ARID1B: variants seen among roughly 807,000 people sequenced by gnomAD.
ARID1B encodes AT-rich interaction domain 1B.
A neutral mutation model predicts 212.3 loss-of-function variants in ARID1B; 30 were observed. The ratio of observed to expected loss-of-function variants is 0.14; its 90% CI spans 0.11 to 0.19. ARID1B has a LOEUF of 0.19. Ranked by LOEUF, ARID1B falls within the 10% of genes least tolerant of loss-of-function variation. The pLI is 1.00. For synonymous variants in ARID1B, 1,402 were observed against 1,301.7 expected, an observed-to-expected ratio of 1.08 and a Z score of -1.66; for missense variants, 2,891 against 3,204.0, an observed-to-expected ratio of 0.90 and a Z score of 2.36.
At chr6:156,876,400 G>A (rs1786550780) in intron 2 of ARID1B, among the ~76,000 whole-genome samples, 1 of 152,060 alleles carries the variant, frequency 6.6e-6, no homozygotes, top group African/African-American at 2.4e-5. Context: ...CAGCTGTCTC[G>A]TCCTGGTTCC....
chr6:157,039,456 G>A lies in ARID1B; in HGVS notation c.2248-45206G>A, dbSNP rs936969078. On this transcript the variant is annotated intron_variant, in intron 4 of 19. Coordinates refer to ENST00000636930, the MANE Select transcript of ARID1B (RefSeq NM_001374828.1). ...CGCCATTCTCCTGCCTCAGCCTCCC[G>A]AGTAGCTGGGACTACAGGCGCCCGC... Among the ~76,000 whole-genome samples, 13 of 150,178 alleles carry A rather than the reference G, an allele frequency of 8.7e-5. No individual in the cohort carries two copies. In the East Asian group the frequency reaches 1.6e-3, roughly 18 times the overall value.
intron 1 of ARID1B, among the ~76,000 whole-genome samples, chr6:156,805,543 A>G (rs927654167): frequency 6.6e-6 from 1 of 152,174 alleles, no homozygotes; most frequent in African/African-American, 2.4e-5. Context: ...TGGTTTGCCT[A>G]TAGGAGTATG....
intron 5 of ARID1B, among the ~76,000 whole-genome samples, chr6:157,089,821 T>A (rs73017159): frequency 3.3e-5 from 5 of 152,194 alleles, no homozygotes; most frequent in African/African-American, 4.8e-5. Context: ...CAGGTACAGT[T>A]AATTCTGAAA....
chr6:156,940,600 G>T (rs192111310), intron 4 of ARID1B: 9 of 152,204 alleles, frequency 5.9e-5, no homozygotes, highest in Non-Finnish European at 1.2e-4. Context: ...GCTATTAGCC[G>T]CAGAGCATGC....
chr6:157,142,966 AG>A (rs1413547622), intron 7 of ARID1B, among the ~76,000 whole-genome samples: 2 of 152,218 alleles, frequency 1.3e-5, no homozygotes, highest in Admixed American at 6.5e-5. Flanking sequence ...AAAAGCAGTA[AG>A]CTCTGAGTAT....
At chr6:156,892,173 AGCCACCACACCCGGCCTCAT>A (rs1185604234) in intron 2 of ARID1B, among the ~76,000 whole-genome samples, 6 of 151,156 alleles carry the variant, frequency 4.0e-5, no homozygotes, top group Admixed American at 4.0e-4. Flanking sequence ...GACAGGCGTG[AGCCACCACACCCGGCCTCAT>A]ACTTTTTCTT....
rs1276255111 is a variant in ARID1B at position 156,901,366 on chromosome 6, T to G, written c.1987-10T>G. 15 of 1,614,160 alleles carry G rather than the reference T, an allele frequency of 9.3e-6. No individual in the cohort carries two copies. Among genetic ancestry groups the G allele is most frequent in the Non-Finnish European group, 1.3e-5 (15 of 1,180,042 alleles). On this transcript the variant is annotated splice_polypyrimidine_tract_variant and intron_variant, in intron 2 of 19. Coordinates refer to ENST00000636930, the MANE Select transcript of ARID1B (RefSeq NM_001374828.1). ...GACTTTCTCATTTGCTTTGCTTGAC[T>G]TTTTGACAGATGCCACCTCAGTATG...
chr6:157,142,628 AAAC>A (rs1322228462), intron 7 of ARID1B, among the ~76,000 whole-genome samples: 2 of 152,144 alleles, frequency 1.3e-5, no homozygotes, highest in Admixed American at 1.3e-4. Context: ...TCTGTCTCAA[AAAC>A]AACAACAATA....
At chr6:157,056,118 G>A (rs1368788477) in intron 4 of ARID1B, among the ~76,000 whole-genome samples, 1 of 152,116 alleles carries the variant, frequency 6.6e-6, no homozygotes, top group Non-Finnish European at 1.5e-5. Context: ...TTGCAGAAGT[G>A]TTACCTGTCA....
chr6:157,187,444 C>CCA (rs1793048600), intron 13 of ARID1B, among the ~76,000 whole-genome samples: 1 of 152,126 alleles, frequency 6.6e-6, no homozygotes, highest in African/African-American at 2.4e-5. Context: ...AACAGAGGTG[C>CCA]CCTCTGGTTG....
At chr6:156,881,221 T>C (rs1261819801) in intron 2 of ARID1B, among the ~76,000 whole-genome samples, 1 of 152,200 alleles carries the variant, frequency 6.6e-6, no homozygotes, top group Non-Finnish European at 1.5e-5. Flanking sequence ...TTTCTGTTAA[T>C]TACGGCTCAC....
chr6:156,843,049 C>G (rs562243873), intron 2 of ARID1B, among the ~76,000 whole-genome samples: 2 of 152,184 alleles, frequency 1.3e-5, no homozygotes, highest in Admixed American at 1.3e-4. Context: ...ACCTGGAGTT[C>G]TAGAGTAGGG....
intron 4 of ARID1B, among the ~76,000 whole-genome samples, chr6:156,974,768 A>G (rs1019498373): frequency 1.3e-5 from 2 of 152,242 alleles, no homozygotes; most frequent in African/African-American, 4.8e-5. Context: ...ACTTATCAGA[A>G]CTTACTTTCA....
At chr6:157,026,970 A>G (rs1039976873) in intron 4 of ARID1B, among the ~76,000 whole-genome samples, 7 of 152,318 alleles carry the variant, frequency 4.6e-5, no homozygotes, top group Admixed American at 3.9e-4. Flanking sequence ...CATGTAATGC[A>G]TACATAGTTA....
chr6:156,921,023 C>T (rs1329206159), intron 3 of ARID1B, among the ~76,000 whole-genome samples: 1 of 151,962 alleles, frequency 6.6e-6, no homozygotes, highest in Non-Finnish European at 1.5e-5. Flanking sequence ...AATTAATTAG[C>T]AGGGGGACTC....
chr6:156,933,494 C>T (rs1183110625), intron 3 of ARID1B, among the ~76,000 whole-genome samples: 2 of 152,134 alleles, frequency 1.3e-5, no homozygotes, highest in East Asian at 1.9e-4. Flanking sequence ...CTGGAAGAAA[C>T]GTGGTGTTTG....
At chr6:157,121,300 C>G (rs1186444395) in intron 6 of ARID1B, among the ~76,000 whole-genome samples, 1 of 152,188 alleles carries the variant, frequency 6.6e-6, no homozygotes, top group Non-Finnish European at 1.5e-5. Flanking sequence ...TGTTTAAGTT[C>G]ATGGAGCTTC....
At chr6:157,141,770 T>A (rs1394185968) in intron 7 of ARID1B, among the ~76,000 whole-genome samples, 4 of 152,208 alleles carry the variant, frequency 2.6e-5, no homozygotes, top group Admixed American at 1.3e-4. Flanking sequence ...TTCGAATGGC[T>A]AATTTTTTTA....
At chr6:156,957,752 C>G (rs1308937989) in intron 4 of ARID1B, among the ~76,000 whole-genome samples, 1 of 152,144 alleles carries the variant, frequency 6.6e-6, no homozygotes, top group African/African-American at 2.4e-5. Flanking sequence ...AATTTCAGGC[C>G]AGCCTAGGGC....
Sources: allele counts gnomAD v4.1 joint callset (sites outside exome capture counted in the v4.1 genomes callset), GRCh38; gene constraint gnomAD v4.1.1; transcripts MANE v1.5; gene names NCBI Gene and HGNC (gene_info 2026-07-23, HGNC 2026-07-21).